RELCH: variants seen among roughly 807,000 people sequenced by gnomAD.
RELCH encodes RAB11 binding and LisH domain, coiled-coil and HEAT repeat containing.
In RELCH, 41 loss-of-function variants were observed where a neutral mutation model predicts 150.3. The observed-to-expected ratio is 0.27, with a 90% confidence interval of 0.21 to 0.35. The LOEUF (loss-of-function observed/expected upper bound fraction) is 0.35, where lower values mean the gene tolerates loss of function less well. Among genes scored for constraint, RELCH ranks in the 10% least tolerant of loss-of-function variants. The pLI is 1.00. For missense variants in RELCH, 1,092 were observed against 1,467.8 expected, an observed-to-expected ratio of 0.74 and a Z score of 4.18; for synonymous variants, 478 against 531.8, an observed-to-expected ratio of 0.90 and a Z score of 1.39.
chr18:62,274,053 T>C lies in RELCH; in HGVS notation c.2834T>C (p.Leu945Pro), dbSNP rs1357393102. The C allele has an allele frequency of 6.2e-7, 1 of 1,612,740 alleles. No individual in the cohort carries two copies. The highest frequency in any genetic ancestry group is 8.5e-7 in the Non-Finnish European group (1 of 1,178,984). Reference protein sequence around the residue: ...MTLLSLSHAPLDSLKASFVEL... With the variant: ...MTLLSLSHAPPDSLKASFVEL... ...CTGCTTTCATTATCTCATGCTCCTCTTGATAGCCTGAAGGCTTCTTTTGTG... is the reference window on the plus strand; with the variant it reads ...CTGCTTTCATTATCTCATGCTCCTCCTGATAGCCTGAAGGCTTCTTTTGTG... Residue 945 changes from leucine (L) to proline (P), a missense_variant, in exon 21 of 29, where the codon CTT becomes CCT. Physicochemically the swap from Leu to Pro is moderately conservative, Grantham distance 98 (BLOSUM62 -3). Around this residue, in one of 4 missense-constraint regions of RELCH, gnomAD observed 707 missense variants for 1,025.4 expected, o/e 0.69. Transcript: ENST00000644646.
chr18:62,258,013 T>C lies in RELCH; in HGVS notation c.1962T>C (p.Asp654=), dbSNP rs147529244. ...LQQMLMEDKA[D]LVREAVIKSL... The stretch of plus-strand genomic sequence containing the variant: ...AAATGTTAATGGAAGATAAGGCAGA[T>C]TTGGTAAGAGAAGCTGTTATCAAAA... Residue 654 remains aspartate (D), a synonymous_variant, in exon 14 of 29, where the codon GAT becomes GAC. Coordinates refer to ENST00000644646, the MANE Select transcript of RELCH (RefSeq NM_001346231.2). 2.7e-4 allele frequency: 438 copies of C among 1,608,542 alleles called. 1 individual carries two copies. In the African/African-American group the frequency reaches 4.9e-3, roughly 18 times the overall value.
Position 62,227,407 on chromosome 18 carries a change from G to A in RELCH, c.977G>A (p.Ser326Asn), listed in dbSNP as rs2041283315. 1.9e-6 allele frequency: 3 copies of A among 1,613,284 alleles called. No individual in the cohort carries two copies. Among genetic ancestry groups the A allele is most frequent in the Non-Finnish European group, 2.5e-6 (3 of 1,179,524 alleles). The change falls in exon 6 of 29, where the codon AGT becomes AAT. Residue 326 changes from serine to asparagine, a missense_variant. Ser to Asn is a conservative substitution (Grantham distance 46). Coordinates refer to ENST00000644646, the MANE Select transcript of RELCH (RefSeq NM_001346231.2). ...GGAAAAGATCTTGTAGATGTGGCCA[G>A]TGGAGTAGAAGAAGATGAATTAGAG... ...VTGKDLVDVA[S>N]GVEEDELEAL...
At chr18:62,213,755 A>T (rs1042280442) in intron 2 of RELCH, among the ~76,000 whole-genome samples, 1 of 146,838 alleles carries the variant, frequency 6.8e-6, no homozygotes, top group Non-Finnish European at 1.5e-5. Flanking sequence ...AAAAAAGATC[A>T]TTAATTGTTT....
chr18:62,291,434 G>A (rs2045128736), intron 26 of RELCH, 109 bp from the exon 27 acceptor site: 3 of 568,508 alleles, frequency 5.3e-6, no homozygotes, highest in Non-Finnish European at 6.2e-6. Flanking sequence ...TGATCACTAT[G>A]CCATAGGTAT....
rs146687187 is a variant in RELCH at position 62,207,737 on chromosome 18, T to C, written c.527-3416T>C. Among the ~76,000 whole-genome samples, 348 of 152,334 alleles carry C rather than the reference T, an allele frequency of 2.3e-3. 4 individuals carry two copies. The highest frequency in any genetic ancestry group is 8.0e-3 in the African/African-American group (333 of 41,566). On this transcript the variant is annotated intron_variant, in intron 1 of 28. Coordinates refer to ENST00000644646, the MANE Select transcript of RELCH (RefSeq NM_001346231.2). ...TACAATTTGGTGGTTCTCTGTGCAT[T>C]TACAAAATTGTACAACTGTCACCAC...
In RELCH at chr18:62,258,674, A is replaced by G; in HGVS notation, c.2200A>G (p.Arg734Gly). 1 of 1,576,650 alleles carries G rather than the reference A, an allele frequency of 6.3e-7. No individual in the cohort carries two copies. Among genetic ancestry groups the G allele is most frequent in the Non-Finnish European group, 8.6e-7 (1 of 1,165,998 alleles). The change falls in exon 15 of 29, where the codon AGG becomes GGG. Residue 734 changes from arginine (R) to glycine (G), a missense_variant and splice_region_variant. Physicochemically the swap from Arg to Gly is moderately radical, Grantham distance 125 (BLOSUM62 -2). Around this residue, in one of 4 missense-constraint regions of RELCH, gnomAD observed 707 missense variants for 1,025.4 expected, o/e 0.69. Transcript: ENST00000644646. Reference protein sequence around the residue: ...TLLNKIEKLLREGEHGLDEHK... With the variant: ...TLLNKIEKLLGEGEHGLDEHK... ...ACTGAACAAGATTGAAAAACTTCTC[A>G]GGGTAAGTTCTTCTTTTGTTTATAT... is the stretch of plus-strand genomic sequence containing the variant.
intron 2 of RELCH, among the ~76,000 whole-genome samples, chr18:62,214,120 C>T (rs975419396): frequency 6.6e-6 from 1 of 151,734 alleles, no homozygotes; most frequent in African/African-American, 2.4e-5. Context: ...AATAAAATAA[C>T]CTTTAATTGC....
rs868131498 is a variant in RELCH, at chr18:62,274,089, A to G, written c.2867+3A>G. The stretch of plus-strand genomic sequence containing the variant: ...AAGGCTTCTTTTGTGGAATTGGGGT[A>G]AGAAATAACAGCTTATAGTTTGCTA... On this transcript the variant is annotated splice_donor_region_variant and intron_variant, in intron 21 of 28. Transcript: ENST00000644646. 76 of 1,576,488 alleles carry G rather than the reference A, an allele frequency of 4.8e-5. No homozygotes were observed. Among genetic ancestry groups the G allele is most frequent in the Non-Finnish European group, 6.6e-5 (76 of 1,146,500 alleles).
intron 10 of RELCH, among the ~76,000 whole-genome samples, chr18:62,243,864 G>A (rs1405223030): frequency 6.6e-6 from 1 of 151,940 alleles, no homozygotes; most frequent in Admixed American, 6.6e-5. Context: ...GGAAAGAAAT[G>A]GGTGTAGTCA....
intron 11 of RELCH, chr18:62,246,599 G>A (rs2042427061): frequency 6.6e-6 from 1 of 152,188 alleles, no homozygotes; most frequent in Admixed American, 6.5e-5. Flanking sequence ...AAAATTTTCT[G>A]TTACTCTAAT....
intron 1 of RELCH, among the ~76,000 whole-genome samples, chr18:62,202,434 G>A (rs2039513589): frequency 6.6e-6 from 1 of 152,080 alleles, no homozygotes; most frequent in Non-Finnish European, 1.5e-5. Context: ...TTTTCTTTCT[G>A]ACAAGATGGA....
chr18:62,201,454 T>C (rs969861138), intron 1 of RELCH, among the ~76,000 whole-genome samples: 2 of 152,176 alleles, frequency 1.3e-5, no homozygotes, highest in African/African-American at 4.8e-5. Context: ...AATTGTAATA[T>C]AAAGCGAATT....
At chr18:62,302,947 G>T (rs1216258210) in intron 28 of RELCH, among the ~76,000 whole-genome samples, 1 of 152,104 alleles carries the variant, frequency 6.6e-6, no homozygotes, top group Non-Finnish European at 1.5e-5. Flanking sequence ...TTCCAGTGAG[G>T]ATACACATTA....
At chr18:62,206,558 CT>C (rs1404936656) in intron 1 of RELCH, among the ~76,000 whole-genome samples, 1 of 152,152 alleles carries the variant, frequency 6.6e-6, no homozygotes, top group African/African-American at 2.4e-5. Context: ...CAAGATTGTG[CT>C]TTCTATACAC....
At chr18:62,280,005 T>C in intron 23 of RELCH, 149 bp downstream of exon 23, 1 of 632,534 alleles carries the variant, frequency 1.6e-6, no homozygotes, top group Non-Finnish European at 2.7e-6. Flanking sequence ...TATCACATTA[T>C]TCTTTATATA....
chr18:62,265,019 C>G (rs1466381567), intron 18 of RELCH, among the ~76,000 whole-genome samples, 167 bp downstream of exon 18: 1 of 152,016 alleles, frequency 6.6e-6, no homozygotes, highest in Non-Finnish European at 1.5e-5. Flanking sequence ...TGGTAATATT[C>G]TTATCTTTAC....
chr18:62,238,289 C>T (rs187446361), intron 10 of RELCH, among the ~76,000 whole-genome samples: 287 of 151,862 alleles, frequency 1.9e-3, no homozygotes, highest in Middle Eastern at 3.4e-3. Context: ...CTTGCCTGTT[C>T]ATTTTGGGAG....
rs535417218 is a variant in RELCH, at chr18:62,189,276, T to G, written c.526+1245T>G. ...CTTTTTTTGTTTTTTTTTTTTGTTG[T>G]TTTTTTTTTTTGGTTTTTGTGTTAT... On this transcript the variant is annotated intron_variant, in intron 1 of 28. Transcript: ENST00000644646. Among the ~76,000 whole-genome samples, 328 of 67,512 alleles carry G rather than the reference T, an allele frequency of 4.9e-3. 1 individual carries two copies. The highest frequency in any genetic ancestry group is 0.012 in the African/African-American group (217 of 17,954). The allele number at this position is 67,512 out of a possible 152,430, so 44.3% of individuals were successfully genotyped here. A position where few individuals can be genotyped will look rare whatever the true frequency, so the allele number is the denominator to read the frequency against.
intron 9 of RELCH, among the ~76,000 whole-genome samples, chr18:62,231,986 C>A (rs1309501076): frequency 6.6e-6 from 1 of 152,022 alleles, no homozygotes; most frequent in African/African-American, 2.4e-5. Flanking sequence ...TTGTGAGCAT[C>A]TCTTCAAAGA....
Sources: allele counts gnomAD v4.1 joint callset (sites outside exome capture counted in the v4.1 genomes callset), GRCh38; gene constraint gnomAD v4.1.1; regional missense constraint gnomAD v4.1.1; transcripts MANE v1.5; gene names NCBI Gene and HGNC (gene_info 2026-07-23, HGNC 2026-07-21).